PRPF3: variants seen among roughly 807,000 people sequenced by gnomAD.
PRPF3 encodes pre-mRNA processing factor 3.
PRPF3 carries 3 observed loss-of-function variants against 89.2 expected under a neutral mutation model. The observed-to-expected ratio is 0.03, with a 90% CI of 0.02 to 0.09. The LOEUF (loss-of-function observed/expected upper bound fraction) is 0.09, where lower values mean the gene tolerates loss of function less well. Ranked by LOEUF, PRPF3 falls within the 10% of genes least tolerant of loss-of-function variation. The pLI, the probability that PRPF3 is intolerant of heterozygous loss-of-function variation, is 1.00. For synonymous variants in PRPF3, 270 were observed against 289.1 expected (o/e 0.93, Z 0.67); for missense variants, 463 against 828.8 (o/e 0.56, Z 5.42).
chr1:150,341,125 A>AAAG (rs1409848168), intron 9 of PRPF3, among the ~76,000 whole-genome samples: 11 of 142,092 alleles, frequency 7.7e-5, no homozygotes, highest in African/African-American at 2.9e-4. Context: ...AAAAAAAAAA[A>AAAG]AAGAAGAAAG....
At chr1:150,342,170 A>G (rs1197088714) in intron 9 of PRPF3, among the ~76,000 whole-genome samples, 1 of 151,816 alleles carries the variant, frequency 6.6e-6, no homozygotes, top group Non-Finnish European at 1.5e-5. Context: ...TCACGAGGTC[A>G]AGAAATCAAC....
intron 4 of PRPF3, among the ~76,000 whole-genome samples, chr1:150,331,526 G>A (rs1012297692): frequency 6.6e-6 from 1 of 150,720 alleles, no homozygotes; most frequent in Non-Finnish European, 1.5e-5. Flanking sequence ...CACCACACCC[G>A]GCTAATTTTT....
intron 15 of PRPF3, among the ~76,000 whole-genome samples, chr1:150,352,565 T>TGA (rs1659044019): frequency 6.6e-6 from 1 of 152,106 alleles, no homozygotes; most frequent in African/African-American, 2.4e-5. Context: ...CTCCAGAGGC[T>TGA]GAGGCAGGAG....
At position 150,347,400 on chromosome 1, in the gene PRPF3, A is replaced by G. The variant is rs111293620; in HGVS notation, c.1843+909A>G. ...CAACTTAATGATGGGGTTAGTTCCA[A>G]TAAACCTGAGATAAATTGAAAATAT... On this transcript the variant is annotated intron_variant, in intron 14 of 15. Coordinates refer to ENST00000324862, the MANE Select transcript of PRPF3 (RefSeq NM_004698.4). 1.2e-3 allele frequency among the ~76,000 whole-genome samples: 179 copies of G among 152,180 alleles called. 1 individual carries two copies. Among genetic ancestry groups the G allele is most frequent in the African/African-American group, 4.1e-3 (170 of 41,528 alleles).
intron 12 of PRPF3, 151 bp downstream of exon 12, chr1:150,344,698 C>G (rs1658106969): frequency 2.4e-6 from 2 of 847,936 alleles, no homozygotes; most frequent in Admixed American, 2.2e-5. Flanking sequence ...GCTAGTAAAT[C>G]TTGTAAAATA....
intron 3 of PRPF3, among the ~76,000 whole-genome samples, chr1:150,327,065 T>C (rs1655804564): frequency 1.3e-5 from 2 of 150,812 alleles, no homozygotes; most frequent in South Asian, 4.2e-4. Flanking sequence ...ACTTCTTTTT[T>C]TTTTTCCTTT....
rs782447888 is a variant in PRPF3 at position 150,352,929 on chromosome 1, C to T, written c.2002C>T (p.His668Tyr). The T allele has an allele frequency of 5.5e-5, 89 of 1,613,950 alleles. No homozygotes were observed. The highest frequency in any genetic ancestry group is 7.4e-5 in the Non-Finnish European group (87 of 1,180,018). The change falls in exon 16 of 16, where the codon CAC becomes TAC. Residue 668 changes from histidine to tyrosine, a missense_variant. By Grantham distance (83) the His-to-Tyr change is moderately conservative. This residue lies in a region of PRPF3 where 78 missense variants were observed against 96.6 expected (regional missense o/e 0.81). Coordinates refer to ENST00000324862, the MANE Select transcript of PRPF3 (RefSeq NM_004698.4). ...REHFKKHGAE[H>Y]YWDLALSESV... is the part of the protein sequence containing the mutation. ...GCATTTCAAAAAGCATGGGGCTGAA[C>T]ACTACTGGGACCTTGCGCTGAGTGA...
At chr1:150,334,855 C>T (rs1553866801) in intron 6 of PRPF3, 80 bp from the exon 7 acceptor site, 22 of 1,531,466 alleles carry the variant, frequency 1.4e-5, no homozygotes, top group African/African-American at 5.5e-5. Flanking sequence ...AGGCTTGAGC[C>T]ACCACGCCTG....
At chr1:150,328,161 G>T (rs1016268167) in intron 3 of PRPF3, 159 bp from the exon 4 acceptor site, 7 of 702,668 alleles carry the variant, frequency 1.0e-5, no homozygotes, top group Non-Finnish European at 1.5e-5. Context: ...TGGGTGAGAT[G>T]GAGAGTCTAG....
At position 150,349,222 on chromosome 1, in the gene PRPF3, G is replaced by T. The variant is rs1553873796; in HGVS notation, c.1905+4G>T. On this transcript the variant is annotated splice_donor_region_variant and intron_variant, in intron 15 of 15. Coordinates refer to ENST00000324862, the MANE Select transcript of PRPF3 (RefSeq NM_004698.4). Reference sequence around the variant, plus strand: ...CAAATGTGTACTAGTCTGGGAGGTAGGTGATCCTTTGTAAAACATTGTAAA... The same window carrying T: ...CAAATGTGTACTAGTCTGGGAGGTATGTGATCCTTTGTAAAACATTGTAAA... 1 of 1,611,996 alleles carries T rather than the reference G, an allele frequency of 6.2e-7. No homozygotes were observed. The highest frequency in any genetic ancestry group is 1.7e-5 in the Admixed American group (1 of 59,982).
chr1:150,339,434 A>ATT (rs1191592185), intron 8 of PRPF3, among the ~76,000 whole-genome samples: 6 of 136,330 alleles, frequency 4.4e-5, no homozygotes, highest in Non-Finnish European at 6.4e-5. Context: ...TGCTCCATCC[A>ATT]TTTTTTTTTT....
intron 7 of PRPF3, 101 bp downstream of exon 7, chr1:150,335,342 C>G: frequency 7.3e-7 from 1 of 1,370,778 alleles, no homozygotes; most frequent in Non-Finnish European, 1.0e-6. Context: ...ATAAATAGGT[C>G]ATTTAAAGCA....
chr1:150,323,173 C>CTTTTTTT (rs71083901), intron 1 of PRPF3, among the ~76,000 whole-genome samples: 4,442 of 48,274 alleles, frequency 0.092, 1,201 homozygotes, highest in East Asian at 0.13. Flanking sequence ...CCGCACCTGG[C>CTTTTTTT]TTTTTTTTTT....
At chr1:150,338,901 T>C (rs1409923234) in intron 8 of PRPF3, among the ~76,000 whole-genome samples, 1 of 152,202 alleles carries the variant, frequency 6.6e-6, no homozygotes, top group Non-Finnish European at 1.5e-5. Flanking sequence ...GGACACAATC[T>C]ACAAAAGCAA....
intron 10 of PRPF3, among the ~76,000 whole-genome samples, chr1:150,343,954 C>A (rs943886856): frequency 6.6e-6 from 1 of 152,168 alleles, no homozygotes. Flanking sequence ...AATGTAAATG[C>A]ATACCAATCT....
At chr1:150,339,484 T>TG (rs1657438694) in intron 8 of PRPF3, among the ~76,000 whole-genome samples, 1 of 151,704 alleles carries the variant, frequency 6.6e-6, no homozygotes. Flanking sequence ...TTGCCCAGGC[T>TG]GGAGTGCAGT....
chr1:150,340,390 A>G lies in PRPF3; in HGVS notation c.1203-8A>G. The G allele has an allele frequency of 2.5e-6, 4 of 1,574,206 alleles. No individual in the cohort carries two copies. Among genetic ancestry groups the G allele is most frequent in the Non-Finnish European group, 3.5e-6 (4 of 1,143,920 alleles). On this transcript the variant is annotated splice_polypyrimidine_tract_variant and splice_region_variant and intron_variant, in intron 8 of 15. Coordinates refer to ENST00000324862, the MANE Select transcript of PRPF3 (RefSeq NM_004698.4). ...ATATCGTGTTTTCTTTTCTTCCTAC[A>G]ATTTTAGTACAGAGGAAAATCCCAA...
At chr1:150,350,568 TTATTTC>T (rs1475518947) in intron 15 of PRPF3, among the ~76,000 whole-genome samples, 1 of 152,230 alleles carries the variant, frequency 6.6e-6, no homozygotes, top group Admixed American at 6.5e-5. Flanking sequence ...TAAAATGTGC[TTATTTC>T]TATTAATGAA....
At chr1:150,339,266 C>G (rs762590610) in intron 8 of PRPF3, among the ~76,000 whole-genome samples, 44 of 150,708 alleles carry the variant, frequency 2.9e-4, no homozygotes, top group Non-Finnish European at 5.6e-4. Flanking sequence ...TCCTGGCTAC[C>G]CAGGAGGCTG....
Sources: gnomAD v4.1 joint callset for allele counts (sites outside exome capture counted in the v4.1 genomes callset) on GRCh38, gnomAD v4.1.1 for gene constraint, gnomAD v4.1.1 regional missense constraint, MANE v1.5 for transcripts, NCBI Gene and HGNC (gene_info 2026-07-23, HGNC 2026-07-21) for gene names.